L3MBTL3: variants seen among roughly 807,000 people sequenced by gnomAD.
The protein encoded by L3MBTL3 is L3MBTL histone methyl-lysine binding protein 3, also known as lethal(3)malignant brain tumor-like protein 3.
L3MBTL3 carries 27 observed loss-of-function variants against 102.3 expected under a neutral mutation model. That is an observed-to-expected ratio of 0.26 (90% CI 0.19 to 0.36). The LOEUF (loss-of-function observed/expected upper bound fraction) is 0.36. Among genes scored for constraint, L3MBTL3 ranks in the 10% least tolerant of loss-of-function variants. L3MBTL3 has a pLI of 1.00. For synonymous variants in L3MBTL3, 340 were observed against 320.9 expected (o/e 1.06, Z -0.64); for missense variants, 798 against 955.3 (o/e 0.84, Z 2.17).
intron 1 of L3MBTL3, 145 bp downstream of exon 1, chr6:130,018,809 C>CAGGGG (rs1778727706): frequency 6.6e-6 from 1 of 152,112 alleles, no homozygotes; most frequent in Non-Finnish European, 1.5e-5. Flanking sequence ...TGAAACAGAT[C>CAGGGG]AGGGGAGGGG....
chr6:130,050,090 A>G (rs1196183221), intron 5 of L3MBTL3, among the ~76,000 whole-genome samples: 1 of 152,118 alleles, frequency 6.6e-6, no homozygotes, highest in East Asian at 1.9e-4. Flanking sequence ...CATGGCCTTA[A>G]TGTAGGCTCT....
At chr6:130,043,231 T>C (rs1780532870) in intron 3 of L3MBTL3, among the ~76,000 whole-genome samples, 1 of 152,218 alleles carries the variant, frequency 6.6e-6, no homozygotes, top group South Asian at 2.1e-4. Context: ...TGGATAATGT[T>C]AAAGTATTGA....
At chr6:130,056,174 C>T (rs945543603) in intron 8 of L3MBTL3, among the ~76,000 whole-genome samples, 17 of 152,100 alleles carry the variant, frequency 1.1e-4, no homozygotes, top group East Asian at 5.8e-4. Flanking sequence ...GCCATCTGCC[C>T]GTGTCTACCT....
chr6:130,053,369 C>T (rs1054991473), intron 7 of L3MBTL3, among the ~76,000 whole-genome samples: 43 of 152,298 alleles, frequency 2.8e-4, no homozygotes, highest in African/African-American at 9.4e-4. Flanking sequence ...GGCGTGGTGG[C>T]TCATGCCTGT....
intron 19 of L3MBTL3, among the ~76,000 whole-genome samples, chr6:130,107,303 A>G (rs959992821): frequency 6.6e-6 from 1 of 152,234 alleles, no homozygotes; most frequent in African/African-American, 2.4e-5. Context: ...TAGACTTTCT[A>G]ACTATTTATT....
intron 19 of L3MBTL3, among the ~76,000 whole-genome samples, chr6:130,113,854 G>A (rs552003373): frequency 7.3e-5 from 11 of 150,832 alleles, no homozygotes; most frequent in Admixed American, 1.3e-4. Flanking sequence ...GAAGCTAAAA[G>A]CATATATAAA....
At chr6:130,099,894 C>T (rs1784580311) in intron 18 of L3MBTL3, among the ~76,000 whole-genome samples, 1 of 152,178 alleles carries the variant, frequency 6.6e-6, no homozygotes, top group Admixed American at 6.5e-5. Flanking sequence ...GTGCCTGACA[C>T]TTCCTAAGCA....
At chr6:130,110,170 T>C (rs1042089029) in intron 19 of L3MBTL3, among the ~76,000 whole-genome samples, 2 of 152,218 alleles carry the variant, frequency 1.3e-5, no homozygotes, top group Non-Finnish European at 2.9e-5. Context: ...AGGATTGTCT[T>C]GGCTATATGG....
intron 1 of L3MBTL3, among the ~76,000 whole-genome samples, chr6:130,021,726 CTGTATAGTTA>C: frequency 6.6e-6 from 1 of 152,238 alleles, no homozygotes; most frequent in East Asian, 1.9e-4. Flanking sequence ...AGTTTCTTAG[CTGTATAGTTA>C]TGTATAGTCC....
chr6:130,080,571 A>AGTGGTGT (rs1288409803), intron 14 of L3MBTL3, among the ~76,000 whole-genome samples: 2 of 152,200 alleles, frequency 1.3e-5, no homozygotes, highest in Non-Finnish European at 2.9e-5. Context: ...CCCTGGAAGG[A>AGTGGTGT]GTGGTGTAAG....
In L3MBTL3 at chr6:130,049,271, G is replaced by A. The variant is rs1160117512; in HGVS notation, c.103-11G>A. 2.6e-6 allele frequency: 4 copies of A among 1,567,704 alleles called. No individual in the cohort carries two copies. Among genetic ancestry groups the A allele is most frequent in the South Asian group, 1.1e-5 (1 of 89,294 alleles). On this transcript the variant is annotated splice_polypyrimidine_tract_variant and intron_variant, in intron 3 of 22. Coordinates refer to ENST00000361794, the MANE Select transcript of L3MBTL3 (RefSeq NM_032438.4). ...TTTTTAAATTTTGCCTTTCTGCTGT[G>A]TTGTTGCTAGTTTCGGGTAAATGAG...
chr6:130,068,066 G>C (rs12197047), intron 11 of L3MBTL3, among the ~76,000 whole-genome samples: 1 of 151,940 alleles, frequency 6.6e-6, no homozygotes, highest in Non-Finnish European at 1.5e-5. Context: ...CTGATAATAA[G>C]TGTCCTGGGT....
chr6:130,035,201 A>T (rs966009876), intron 2 of L3MBTL3, among the ~76,000 whole-genome samples: 1 of 152,226 alleles, frequency 6.6e-6, no homozygotes, highest in Non-Finnish European at 1.5e-5. Flanking sequence ...AGTATACAGA[A>T]AGAAGGCTCA....
intron 19 of L3MBTL3, among the ~76,000 whole-genome samples, chr6:130,105,237 A>T (rs1784916057): frequency 6.6e-6 from 1 of 152,216 alleles, no homozygotes; most frequent in Admixed American, 6.5e-5. Flanking sequence ...GAATTACTTT[A>T]AAACCTAAGG....
intron 19 of L3MBTL3, among the ~76,000 whole-genome samples, chr6:130,114,233 G>GTTGTCACAGT (rs1785524945): frequency 6.6e-6 from 1 of 152,170 alleles, no homozygotes; most frequent in Non-Finnish European, 1.5e-5. Context: ...GCCAACCACT[G>GTTGTCACAGT]TGACACCAAG....
chr6:130,058,186 A>G (rs1781651754), intron 9 of L3MBTL3, among the ~76,000 whole-genome samples: 1 of 150,928 alleles, frequency 6.6e-6, no homozygotes, highest in African/African-American at 2.5e-5. Context: ...ATGAGTTACT[A>G]CGATTTACAT....
intron 10 of L3MBTL3, among the ~76,000 whole-genome samples, chr6:130,064,642 T>G (rs1189696779): frequency 3.3e-5 from 5 of 152,066 alleles, no homozygotes; most frequent in Non-Finnish European, 5.9e-5. Flanking sequence ...AGAACTGGCC[T>G]AGGATCCATG....
At chr6:130,090,973 C>T (rs949578319) in intron 16 of L3MBTL3, among the ~76,000 whole-genome samples, 1 of 151,994 alleles carries the variant, frequency 6.6e-6, no homozygotes, top group African/African-American at 2.4e-5. Context: ...TTTCATCTTT[C>T]TGTAGGGTTT....
intron 19 of L3MBTL3, among the ~76,000 whole-genome samples, chr6:130,114,812 T>G (rs116401952): frequency 6.6e-6 from 1 of 152,326 alleles, no homozygotes; most frequent in African/African-American, 2.4e-5. Context: ...TACTCATAGT[T>G]GCAGAAGTTT....
Sources: gnomAD v4.1 joint callset for allele counts (sites outside exome capture counted in the v4.1 genomes callset) on GRCh38, gnomAD v4.1.1 for gene constraint, MANE v1.5 for transcripts, NCBI Gene and HGNC (gene_info 2026-07-23, HGNC 2026-07-21) for gene names.